ZEB1: variants seen among roughly 807,000 people sequenced by gnomAD.
ZEB1 encodes the protein zinc finger E-box-binding homeobox 1.
Under a neutral mutation model 84.9 loss-of-function variants are expected in ZEB1, and 21 were observed. That is an observed-to-expected ratio of 0.25 (90% CI 0.18 to 0.36). The LOEUF is 0.36. Among genes scored for constraint, ZEB1 ranks in the 10% least tolerant of loss-of-function variants. The probability of loss-of-function intolerance (pLI) is 1.00; values close to 1 mark genes in which losing one functional copy is unlikely to be tolerated. For missense variants in ZEB1, 1,104 were observed against 1,330.2 expected (o/e 0.83, Z 2.65); for synonymous variants, 420 against 471.1 (o/e 0.89, Z 1.41).
intron 1 of ZEB1, chr10:31,321,796 G>A (rs951072771): frequency 1.4e-5 from 7 of 514,128 alleles, no homozygotes; most frequent in African/African-American, 1.1e-4. Context: ...AAAGATACTT[G>A]AAATCAACAG....
At chr10:31,500,511 A>G (rs1308900479) in intron 3 of ZEB1, among the ~76,000 whole-genome samples, 1 of 152,182 alleles carries the variant, frequency 6.6e-6, no homozygotes, top group Non-Finnish European at 1.5e-5. Flanking sequence ...ATAGAAATTC[A>G]TGTAAACAGG....
intron 4 of ZEB1, among the ~76,000 whole-genome samples, chr10:31,504,247 G>T (rs773343231): frequency 6.6e-6 from 1 of 151,828 alleles, no homozygotes; most frequent in Non-Finnish European, 1.5e-5. Flanking sequence ...TTGGTGCCTT[G>T]TCGAAATCAA....
intron 1 of ZEB1, chr10:31,320,318 C>A (rs114902101): frequency 6.6e-6 from 1 of 152,144 alleles, no homozygotes; most frequent in Non-Finnish European, 1.5e-5. Context: ...ACAGACAGAT[C>A]CCCCTCCCGG....
intron 1 of ZEB1, among the ~76,000 whole-genome samples, chr10:31,439,167 A>T (rs888902372): frequency 6.6e-6 from 1 of 152,184 alleles, no homozygotes; most frequent in African/African-American, 2.4e-5. Context: ...TGGATACTAT[A>T]CTGCATCTAC....
In ZEB1 at chr10:31,510,733, G is replaced by A; in HGVS notation, c.545G>A (p.Arg182His). 1 of 1,613,844 alleles carries A rather than the reference G, an allele frequency of 6.2e-7. No individual in the cohort carries two copies. The highest frequency in any genetic ancestry group is 8.5e-7 in the Non-Finnish European group (1 of 1,179,854). Reference sequence around the variant, plus strand: ...CCATATTGTGATAGAGGCTATAAACGCTTTACCTCTCTGAAAGAACACATT... The same window carrying A: ...CCATATTGTGATAGAGGCTATAAACACTTTACCTCTCTGAAAGAACACATT... Reference protein sequence around the residue: ...TCPYCDRGYKRFTSLKEHIKY... With the variant: ...TCPYCDRGYKHFTSLKEHIKY... The change falls in exon 5 of 9, where the codon CGC (arginine) becomes CAC (histidine). Residue 182 changes from arginine (R) to histidine (H), a missense_variant. Arg to His is a conservative substitution (Grantham distance 29). Around this residue, in one of 7 missense-constraint regions of ZEB1, gnomAD observed 71 missense variants for 119.1 expected, o/e 0.60. Coordinates refer to ENST00000424869, the MANE Select transcript of ZEB1 (RefSeq NM_001174096.2).
chr10:31,408,449 C>T (rs2053572109), intron 1 of ZEB1, among the ~76,000 whole-genome samples: 1 of 151,494 alleles, frequency 6.6e-6, no homozygotes, highest in Admixed American at 6.6e-5. Context: ...CAATCCTGAG[C>T]CAAAAGAACA....
rs1014338551 is a variant in ZEB1, at chr10:31,365,497, T to C, written c.58+46205T>C. On this transcript the variant is annotated intron_variant, in intron 1 of 8. Coordinates refer to ENST00000424869, the MANE Select transcript of ZEB1 (RefSeq NM_001174096.2). ...AAAATAAATTGCATGTCTGTTGTTA[T>C]GGAATTTTATAACTGTACATACCTT... is the stretch of plus-strand genomic sequence containing the variant. Among the ~76,000 whole-genome samples the C allele has an allele frequency of 3.3e-5, 5 of 152,380 alleles. No individual in the cohort carries two copies. The East Asian group carries it at 5.8e-4, about 18-fold the overall frequency.
At chr10:31,518,004 C>T (rs980895162) in intron 6 of ZEB1, among the ~76,000 whole-genome samples, 2 of 152,092 alleles carry the variant, frequency 1.3e-5, no homozygotes, top group Non-Finnish European at 1.5e-5. Flanking sequence ...CATTCCCTTA[C>T]GTACCATTTC....
intron 1 of ZEB1, among the ~76,000 whole-genome samples, chr10:31,356,292 A>G (rs1167969533): frequency 1.3e-5 from 2 of 152,014 alleles, no homozygotes; most frequent in Non-Finnish European, 2.9e-5. Context: ...GTTTTAAAAG[A>G]TAATTTGACT....
At chr10:31,497,172 C>T (rs2067363074) in intron 3 of ZEB1, among the ~76,000 whole-genome samples, 2 of 152,006 alleles carry the variant, frequency 1.3e-5, no homozygotes, top group South Asian at 4.1e-4. Context: ...CATAAGAGTA[C>T]ACTATTTACT....
At chr10:31,445,602 T>A (rs2136777629) in intron 1 of ZEB1, among the ~76,000 whole-genome samples, 1 of 152,220 alleles carries the variant, frequency 6.6e-6, no homozygotes, top group East Asian at 1.9e-4. Flanking sequence ...TAATACCTAA[T>A]TTATTGAGAG....
intron 3 of ZEB1, among the ~76,000 whole-genome samples, chr10:31,498,554 TACA>T (rs1410277630): frequency 1.3e-5 from 2 of 152,066 alleles, no homozygotes; most frequent in East Asian, 3.8e-4. Context: ...ATCTAATTCT[TACA>T]ACAACCCTAA....
intron 4 of ZEB1, among the ~76,000 whole-genome samples, chr10:31,505,573 A>G (rs920316258): frequency 6.6e-6 from 1 of 151,618 alleles, no homozygotes; most frequent in African/African-American, 2.4e-5. Flanking sequence ...GTTGTTCATA[A>G]TTGTCTCTTT....
chr10:31,501,505 T>G (rs183246600), intron 3 of ZEB1, among the ~76,000 whole-genome samples: 1 of 152,334 alleles, frequency 6.6e-6, no homozygotes. Context: ...CTTTGATGCT[T>G]ATTAGAAATC....
At chr10:31,479,829 ATGTT>A (rs1321851992) in intron 2 of ZEB1, among the ~76,000 whole-genome samples, 3 of 152,104 alleles carry the variant, frequency 2.0e-5, no homozygotes, top group East Asian at 1.9e-4. Context: ...AAACTAGGAC[ATGTT>A]TGTTATTAAA....
intron 8 of ZEB1, among the ~76,000 whole-genome samples, chr10:31,524,557 C>T (rs1223332955): frequency 6.6e-6 from 1 of 152,126 alleles, no homozygotes. Context: ...CCATTTTCAC[C>T]TGTTTGCCCA....
chr10:31,320,696 G>A (rs76766958), intron 1 of ZEB1: 7,434 of 152,292 alleles, frequency 0.049, 190 homozygotes, highest in South Asian at 0.065. Flanking sequence ...TTGGAGAGAC[G>A]TTGTAAGTTG....
intron 1 of ZEB1, among the ~76,000 whole-genome samples, chr10:31,325,993 AG>A (rs2035411864): frequency 6.9e-6 from 1 of 145,072 alleles, no homozygotes; most frequent in Non-Finnish European, 1.5e-5. Context: ...TTAAGTAGAT[AG>A]TGCTGAGTGT....
intron 1 of ZEB1, among the ~76,000 whole-genome samples, chr10:31,424,186 C>T (rs569005521): frequency 6.6e-6 from 1 of 151,848 alleles, no homozygotes; most frequent in African/African-American, 2.4e-5. Flanking sequence ...GCATTTATAC[C>T]ATCAGCTTTA....
Sources: gnomAD v4.1 joint callset for allele counts (sites outside exome capture counted in the v4.1 genomes callset) on GRCh38, gnomAD v4.1.1 for gene constraint, gnomAD v4.1.1 regional missense constraint, MANE v1.5 for transcripts, NCBI Gene and HGNC (gene_info 2026-07-23, HGNC 2026-07-21) for gene names.